DIS3L2: variants seen among roughly 807,000 people sequenced by gnomAD.
DIS3L2 encodes DIS3 like 3'-5' exoribonuclease 2, also known as DIS3-like exonuclease 2.
A neutral mutation model predicts 97.5 loss-of-function variants in DIS3L2; 34 were observed. That is an observed-to-expected ratio of 0.35 (90% CI 0.27 to 0.46). The LOEUF is 0.46. DIS3L2 is among the 20% of genes least tolerant of loss of function. The pLI is 1.00. For synonymous variants in DIS3L2, 435 were observed against 445.2 expected (o/e 0.98, Z 0.29); for missense variants, 1,038 against 1,146.0 (o/e 0.91, Z 1.36).
chr2:232,340,593 G>A (rs563904990), downstream of DIS3L2: 4 of 436,234 alleles, frequency 9.2e-6, no homozygotes, highest in African/African-American at 4.1e-5. Context: ...TACAGCCCTC[G>A]TGCCCAGGCA....
intron 16 of DIS3L2, 65 bp from the exon 17 acceptor site, chr2:232,333,775 C>A: frequency 6.9e-7 from 1 of 1,458,182 alleles, no homozygotes. Context: ...GTGGGTGGTG[C>A]CAGCCTTCCA....
intron 7 of DIS3L2, among the ~76,000 whole-genome samples, chr2:232,133,394 TGCATGTTAA>T (rs1698272022): frequency 6.6e-6 from 1 of 152,208 alleles, no homozygotes; most frequent in Non-Finnish European, 1.5e-5. Flanking sequence ...GGTCAGGACC[TGCATGTTAA>T]ACCCCAACAG....
At chr2:232,261,103 T>A (rs1304427848) in intron 12 of DIS3L2, among the ~76,000 whole-genome samples, 1 of 152,210 alleles carries the variant, frequency 6.6e-6, no homozygotes, top group South Asian at 2.1e-4. Context: ...AAACTCCACC[T>A]AGCCTCCTTT....
At chr2:232,141,840 A>G (rs1690054875) in intron 8 of DIS3L2, among the ~76,000 whole-genome samples, 1 of 152,210 alleles carries the variant, frequency 6.6e-6, no homozygotes, top group Non-Finnish European at 1.5e-5. Flanking sequence ...CAGTTTTGAT[A>G]GATACTCAGT....
In DIS3L2 at chr2:232,005,186, T is replaced by A. The variant is rs1049265616; in HGVS notation, c.-93-9649T>A. ...AGAATCTTGATTTTTTTTTTTTTTT[T>A]TTTTTATTTCACTAGCACTTAGCTT... is the stretch of plus-strand genomic sequence containing the variant. On this transcript the variant is annotated intron_variant, in intron 1 of 20. Transcript: ENST00000325385. 1.1e-4 allele frequency among the ~76,000 whole-genome samples: 16 copies of A among 150,770 alleles called. No homozygotes were observed. In the East Asian group the frequency reaches 2.7e-3, roughly 25 times the overall value.
chr2:232,213,667 T>TTTTG (rs1692255462), intron 10 of DIS3L2, among the ~76,000 whole-genome samples: 1 of 146,616 alleles, frequency 6.8e-6, no homozygotes, highest in Non-Finnish European at 1.5e-5. Context: ...TGTAGTTTTT[T>TTTTG]TTTTTTTTTT....
intron 16 of DIS3L2, among the ~76,000 whole-genome samples, chr2:232,333,343 TTTC>T (rs976654456): frequency 2.3e-5 from 3 of 133,200 alleles, no homozygotes; most frequent in Non-Finnish European, 4.8e-5. Flanking sequence ...GCTACCTTTC[TTTC>T]TTCTTCCTTC....
At position 232,269,094 on chromosome 2, in the gene DIS3L2, C is replaced by G. The variant is rs1419117163; in HGVS notation, c.1659+5654C>G. The stretch of plus-strand genomic sequence containing the variant: ...AGTCAGGTCTTCATCCCACCCAAGC[C>G]CACTTGCAGAGATGCTGGCTCTGCC... On this transcript the variant is annotated intron_variant, in intron 13 of 20. Coordinates refer to ENST00000325385, the MANE Select transcript of DIS3L2 (RefSeq NM_152383.5). The surrounding 1 kb of genome is among the most constrained non-coding windows in gnomAD (Gnocchi z 4.5). 1.3e-5 allele frequency among the ~76,000 whole-genome samples: 2 copies of G among 152,222 alleles called. No homozygotes were observed. The highest frequency in any genetic ancestry group is 2.4e-5 in the African/African-American group (1 of 41,456).
chr2:232,045,837 G>A lies in DIS3L2; in HGVS notation c.366+15757G>A, dbSNP rs547211153. On this transcript the variant is annotated intron_variant, in intron 5 of 20. Transcript: ENST00000325385. ...TTAGAGGTACCTGCCACCACGCCCA[G>A]CTAATTTTTGTATTTTTAGTAGAGG... 2.6e-5 allele frequency among the ~76,000 whole-genome samples: 4 copies of A among 152,088 alleles called. No individual in the cohort carries two copies. In the East Asian group the frequency reaches 7.7e-4, roughly 29 times the overall value.
chr2:232,255,571 G>A (rs1042856106), intron 12 of DIS3L2, among the ~76,000 whole-genome samples: 1 of 152,100 alleles, frequency 6.6e-6, no homozygotes, highest in South Asian at 2.1e-4. Flanking sequence ...GTCAATAAAC[G>A]CTGAATAATT....
At chr2:232,009,507 TG>T (rs1244343960) in intron 1 of DIS3L2, among the ~76,000 whole-genome samples, 1 of 152,232 alleles carries the variant, frequency 6.6e-6, no homozygotes, top group Non-Finnish European at 1.5e-5. Flanking sequence ...ATTTGCCTCC[TG>T]GGTCAGCGTA....
chr2:232,052,137 C>T (rs564643184), intron 5 of DIS3L2, among the ~76,000 whole-genome samples: 75 of 151,996 alleles, frequency 4.9e-4, no homozygotes, highest in African/African-American at 1.5e-3. Context: ...GTTCTCCTGC[C>T]TCAGCCTCCC....
chr2:232,181,136 G>T (rs1383952051), intron 9 of DIS3L2, among the ~76,000 whole-genome samples: 7 of 139,272 alleles, frequency 5.0e-5, no homozygotes, highest in African/African-American at 1.9e-4. Context: ...GTTGAATATT[G>T]GCCCCCACTC....
At chr2:232,121,768 C>G (rs975921852) in intron 6 of DIS3L2, among the ~76,000 whole-genome samples, 1 of 152,138 alleles carries the variant, frequency 6.6e-6, no homozygotes, top group African/African-American at 2.4e-5. Flanking sequence ...CAGGTCATGT[C>G]TATGCTGCTG....
Position 232,342,202 on chromosome 2 carries a change from CATAT to C in DIS3L2, c.1582-1139_1582-1136del, listed in dbSNP as rs565908012. Among the ~76,000 whole-genome samples, 491 of 115,366 alleles carry C rather than the reference CATAT, an allele frequency of 4.3e-3. 6 individuals are homozygous for C. The highest frequency in any genetic ancestry group is 0.038 in the Admixed American group (448 of 11,856). The allele number at this position is 115,366 out of a possible 152,430, so 75.7% of individuals were successfully genotyped here. On this transcript the variant is annotated intron_variant, in intron 13 of 13. Coordinates refer to the DIS3L2 transcript ENST00000273009. Reference sequence around the variant, plus strand: ...ATACACGTATACATATATACACATACATATATACACATATATACACATACATATA... The same window carrying C: ...ATACACGTATACATATATACACATACATACACATATATACACATACATATA...
At chr2:231,993,012 G>C (rs1356341974) in intron 1 of DIS3L2, among the ~76,000 whole-genome samples, 1 of 151,942 alleles carries the variant, frequency 6.6e-6, no homozygotes, top group African/African-American at 2.4e-5. Context: ...CAGTTGCTTT[G>C]GTTATGATTT....
intron 14 of DIS3L2, 24 bp from the exon 15 acceptor site, chr2:232,329,789 T>TGGGCCCC: frequency 1.4e-5 from 5 of 368,616 alleles, no homozygotes; most frequent in Non-Finnish European, 2.5e-5. Flanking sequence ...CAGCGGTCCC[T>TGGGCCCC]CCCATCCCAC....
chr2:232,053,522 C>G (rs1206111282), intron 5 of DIS3L2, among the ~76,000 whole-genome samples: 1 of 152,182 alleles, frequency 6.6e-6, no homozygotes, highest in Non-Finnish European at 1.5e-5. Flanking sequence ...GCTTATACCA[C>G]AAGACTGCCC....
At chr2:232,113,607 A>G (rs1697609390) in intron 6 of DIS3L2, among the ~76,000 whole-genome samples, 1 of 152,176 alleles carries the variant, frequency 6.6e-6, no homozygotes, top group South Asian at 2.1e-4. Context: ...GGTATTATAA[A>G]ACCCAAAAGG....
Sources: gnomAD v4.1 joint callset for allele counts (sites outside exome capture counted in the v4.1 genomes callset) on GRCh38, gnomAD v4.1.1 for gene constraint, Gnocchi (gnomAD v3.1) non-coding constraint, MANE v1.5 for transcripts, NCBI Gene and HGNC (gene_info 2026-07-23, HGNC 2026-07-21) for gene names.